The following CNIH3 variants were observed in gnomAD, a reference collection of about 807,000 sequenced individuals.
CNIH3 encodes cornichon family AMPA receptor auxiliary protein 3.
CNIH3 carries 14 observed loss-of-function variants against 24.1 expected under a neutral mutation model. The ratio of observed to expected loss-of-function variants is 0.58; its 90% CI spans 0.38 to 0.91. The LOEUF is 0.91. CNIH3 is among the 40% of genes least tolerant of loss of function. The probability of loss-of-function intolerance (pLI) is 0.00; values close to 1 mark genes in which losing one functional copy is unlikely to be tolerated. For synonymous variants in CNIH3, 68 were observed against 73.8 expected (o/e 0.92, Z 0.40); for missense variants, 178 against 196.8 (o/e 0.90, Z 0.57).
At chr1:224,577,900 A>G (rs1681104632) in intron 4 of CNIH3, among the ~76,000 whole-genome samples, 1 of 152,212 alleles carries the variant, frequency 6.6e-6, no homozygotes, top group Non-Finnish European at 1.5e-5. Context: ...AAAAAGGAAC[A>G]AAATAATGGC....
At position 224,464,110 on chromosome 1, in the gene CNIH3, G is replaced by A. The variant is rs146482755; in HGVS notation, n.203+29248G>A. Among the ~76,000 whole-genome samples the A allele has an allele frequency of 1.1e-3, 168 of 151,974 alleles. 1 individual carries two copies. Among genetic ancestry groups the A allele is most frequent in the African/African-American group, 3.9e-3 (161 of 41,446 alleles). ...GACCTGGATTGTCTTCATTCTTTTC[G>A]GAGTATCTTTTGAAGAGCTTAACCT... is the stretch of plus-strand genomic sequence containing the variant. On this transcript the variant is annotated intron_variant and non_coding_transcript_variant, in intron 1 of 5. Coordinates refer to the CNIH3 transcript ENST00000471578.
At chr1:224,537,290 C>A (rs1221494011), downstream of CNIH3, 3 of 152,218 alleles carry the variant, frequency 2.0e-5, no homozygotes, top group Admixed American at 1.3e-4. Flanking sequence ...TCCCTCTGCT[C>A]ACCTGAGACA....
intron 1 of CNIH3, among the ~76,000 whole-genome samples, chr1:224,645,852 G>A (rs1299567814): frequency 6.6e-6 from 1 of 152,200 alleles, no homozygotes; most frequent in African/African-American, 2.4e-5. Flanking sequence ...GAATTAATAA[G>A]GACCAAATGG....
At position 224,704,914 on chromosome 1, in the gene CNIH3, A is replaced by C. The variant is rs888842355; in HGVS notation, c.198+20071A>C. ...CACCTGAGGTCAAGAGTTCAAGACC[A>C]GCCTGACCAATGTGATGAAACCCCG... On this transcript the variant is annotated intron_variant, in intron 3 of 5. Coordinates refer to ENST00000272133, the MANE Select transcript of CNIH3 (RefSeq NM_152495.2). The surrounding 1 kb of genome is among the most constrained non-coding windows in gnomAD (Gnocchi z 4.2). Among the ~76,000 whole-genome samples, 1 of 152,178 alleles carries C rather than the reference A, an allele frequency of 6.6e-6. No individual in the cohort carries two copies. Among genetic ancestry groups the C allele is most frequent in the Non-Finnish European group, 1.5e-5 (1 of 68,024 alleles).
chr1:224,706,666 A>C (rs1687827727), intron 3 of CNIH3, among the ~76,000 whole-genome samples: 1 of 152,210 alleles, frequency 6.6e-6, no homozygotes, highest in African/African-American at 2.4e-5. Context: ...AAAGGATCTT[A>C]GTGAATTCTG....
intron 1 of CNIH3, among the ~76,000 whole-genome samples, chr1:224,657,933 A>G (rs531816044): frequency 2.0e-5 from 3 of 152,354 alleles, no homozygotes; most frequent in South Asian, 4.1e-4. Flanking sequence ...AATCATAATT[A>G]TTACTGATAA....
At chr1:224,714,620 AGGG>A (rs1688329773) in intron 3 of CNIH3, among the ~76,000 whole-genome samples, 1 of 152,232 alleles carries the variant, frequency 6.6e-6, no homozygotes, top group African/African-American at 2.4e-5. Flanking sequence ...TGCCAGGCCC[AGGG>A]CTCTGGTACT....
chr1:224,608,869 T>C (rs1257959992), intron 3 of CNIH3, among the ~76,000 whole-genome samples: 1 of 152,226 alleles, frequency 6.6e-6, no homozygotes, highest in Non-Finnish European at 1.5e-5. Flanking sequence ...TGAGGAATTC[T>C]TCCTTTACCC....
intron 2 of CNIH3, among the ~76,000 whole-genome samples, chr1:224,526,682 G>A (rs1009447494): frequency 6.6e-6 from 1 of 152,136 alleles, no homozygotes; most frequent in African/African-American, 2.4e-5. Flanking sequence ...TTTTGTTATA[G>A]CAGCCTGTAT....
chr1:224,667,361 GTTAA>G lies in CNIH3; in HGVS notation c.82-13591_82-13588del, dbSNP rs530062045. 2.7e-3 allele frequency among the ~76,000 whole-genome samples: 404 copies of G among 152,330 alleles called. 1 individual carries two copies. In the Middle Eastern group the frequency reaches 0.027, roughly 10 times the overall value. ...TTCAGTGAAGGACACCATAGCCACA[GTTAA>G]TTAATCAACAGGTGACTGATGAGAG... On this transcript the variant is annotated intron_variant, in intron 1 of 5. Coordinates refer to ENST00000272133, the MANE Select transcript of CNIH3 (RefSeq NM_152495.2).
intron 3 of CNIH3, among the ~76,000 whole-genome samples, chr1:224,696,264 A>G (rs1426115513): frequency 6.6e-6 from 1 of 152,184 alleles, no homozygotes; most frequent in Non-Finnish European, 1.5e-5. Context: ...AGGAGGCAAG[A>G]GGAAAAGGGC....
intron 3 of CNIH3, among the ~76,000 whole-genome samples, chr1:224,711,510 A>T (rs989174429): frequency 5.9e-5 from 9 of 151,988 alleles, no homozygotes; most frequent in African/African-American, 2.2e-4. Context: ...TTTAAGAACC[A>T]GAGGGTGGGC....
chr1:224,435,495 G>A (rs1674613079), intron 1 of CNIH3, among the ~76,000 whole-genome samples: 1 of 152,132 alleles, frequency 6.6e-6, no homozygotes, highest in South Asian at 2.1e-4. Context: ...TAGAGAAGGG[G>A]AGGGACTCTG....
Position 224,716,157 on chromosome 1 carries a change from C to T in CNIH3, c.199-14305C>T, listed in dbSNP as rs114927912. ...TCACATTCTGCCCCTAACTACCTGT[C>T]CTGACCATCACCATCTCTTGCCTGG... On this transcript the variant is annotated intron_variant, in intron 3 of 5. Coordinates refer to ENST00000272133, the MANE Select transcript of CNIH3 (RefSeq NM_152495.2). Among the ~76,000 whole-genome samples, 816 of 152,284 alleles carry T rather than the reference C, an allele frequency of 5.4e-3. 8 individuals are homozygous for T. Among genetic ancestry groups the T allele is most frequent in the African/African-American group, 0.018 (751 of 41,560 alleles).
intron 3 of CNIH3, among the ~76,000 whole-genome samples, chr1:224,564,089 T>C (rs931784561): frequency 2.6e-5 from 4 of 152,266 alleles, no homozygotes; most frequent in African/African-American, 9.6e-5. Context: ...ATAAGTGGCT[T>C]CTTGAGCAGC....
At chr1:224,555,920 G>T (rs573774257) in intron 3 of CNIH3, among the ~76,000 whole-genome samples, 168 of 152,248 alleles carry the variant, frequency 1.1e-3, no homozygotes, top group Non-Finnish European at 1.6e-3. Context: ...GCAGAATATT[G>T]ACTCCCACCA....
intron 1 of CNIH3, among the ~76,000 whole-genome samples, chr1:224,638,541 C>G (rs147738737): frequency 6.6e-6 from 1 of 152,156 alleles, no homozygotes; most frequent in Non-Finnish European, 1.5e-5. Context: ...CCAGCGGTGC[C>G]GTAACATTCT....
At chr1:224,553,434 C>T (rs1271290039) in intron 3 of CNIH3, among the ~76,000 whole-genome samples, 1 of 152,082 alleles carries the variant, frequency 6.6e-6, no homozygotes, top group Non-Finnish European at 1.5e-5. Context: ...GCAAGAATTC[C>T]TCAATGCTCA....
intron 1 of CNIH3, among the ~76,000 whole-genome samples, chr1:224,459,006 T>A (rs1675796025): frequency 6.6e-6 from 1 of 152,226 alleles, no homozygotes; most frequent in South Asian, 2.1e-4. Flanking sequence ...TCAGCTCCAG[T>A]GATCAGCTCT....
Sources: allele counts gnomAD v4.1 joint callset (sites outside exome capture counted in the v4.1 genomes callset), GRCh38; gene constraint gnomAD v4.1.1; non-coding constraint Gnocchi (gnomAD v3.1); transcripts MANE v1.5; gene names NCBI Gene and HGNC (gene_info 2026-07-23, HGNC 2026-07-21).